The following RAPGEF5 variants were observed in gnomAD, a reference collection of about 807,000 sequenced individuals.
The protein encoded by RAPGEF5 is Rap guanine nucleotide exchange factor 5.
Under a neutral mutation model 125.2 loss-of-function variants are expected in RAPGEF5, and 65 were observed. The observed-to-expected ratio is 0.52, with a 90% CI of 0.43 to 0.64. RAPGEF5 has a LOEUF of 0.64. Among genes scored for constraint, RAPGEF5 ranks in the 30% least tolerant of loss-of-function variants. The probability of loss-of-function intolerance (pLI) is 0.00; values close to 1 mark genes in which losing one functional copy is unlikely to be tolerated. For synonymous variants in RAPGEF5, 391 were observed against 385.9 expected (o/e 1.01, Z -0.16); for missense variants, 958 against 1,048.1 (o/e 0.91, Z 1.19).
chr7:22,198,120 G>A (rs1785195655), intron 9 of RAPGEF5, among the ~76,000 whole-genome samples: 1 of 152,114 alleles, frequency 6.6e-6, no homozygotes, highest in Non-Finnish European at 1.5e-5. Flanking sequence ...TTGAACTTCT[G>A]AGCTCAAGCA....
At chr7:22,311,288 T>C (rs1472987009) in intron 3 of RAPGEF5, among the ~76,000 whole-genome samples, 2 of 152,188 alleles carry the variant, frequency 1.3e-5, no homozygotes, top group Non-Finnish European at 2.9e-5. Flanking sequence ...CTGCGGAGAT[T>C]ACAGGTATGA....
At chr7:22,183,268 C>CAAAAAAAAAAA (rs757079018) in intron 11 of RAPGEF5, among the ~76,000 whole-genome samples, 1 of 30,964 alleles carries the variant, frequency 3.2e-5, no homozygotes, top group African/African-American at 8.0e-5. Context: ...GACTCCATCA[C>CAAAAAAAAAAA]AAAAAAAAAA....
In RAPGEF5 at chr7:22,136,970, T is replaced by G; in HGVS notation, c.2291A>C (p.Lys764Thr). The change falls in exon 22 of 26, where the codon AAG becomes ACG. Residue 764 changes from lysine to threonine, a missense_variant. Coordinates refer to ENST00000665637, the MANE Select transcript of RAPGEF5 (RefSeq NM_012294.5). ...LSQTWEKIPGKFKKLFSELES... is the reference protein window; with the variant it reads ...LSQTWEKIPGTFKKLFSELES... ...AAGTTCAGAGAAAAGTTTCTTAAAC[T>G]TCCCAGGGATTTTCTAAAAAACAAA... 1 of 1,583,278 alleles carries G rather than the reference T, an allele frequency of 6.3e-7. No homozygotes were observed. The highest frequency in any genetic ancestry group is 1.7e-5 in the Admixed American group (1 of 57,410).
chr7:22,218,096 C>A (rs1421655275), intron 9 of RAPGEF5, among the ~76,000 whole-genome samples: 1 of 152,062 alleles, frequency 6.6e-6, no homozygotes, highest in African/African-American at 2.4e-5. Context: ...AGGTATATCT[C>A]CTAATGCTAT....
chr7:22,252,214 A>G (rs1003655745), intron 7 of RAPGEF5, among the ~76,000 whole-genome samples: 3 of 152,222 alleles, frequency 2.0e-5, no homozygotes, highest in Admixed American at 6.5e-5. Context: ...AGAGCTTAAA[A>G]TCATTGTCCT....
chr7:22,343,563 G>A (rs1197097457), intron 1 of RAPGEF5, among the ~76,000 whole-genome samples: 2 of 152,140 alleles, frequency 1.3e-5, no homozygotes, highest in African/African-American at 4.8e-5. Flanking sequence ...AACCTAGCAT[G>A]ACATTTCAAT....
chr7:22,267,983 T>C (rs1583533488), intron 6 of RAPGEF5, among the ~76,000 whole-genome samples: 1 of 152,092 alleles, frequency 6.6e-6, no homozygotes, highest in South Asian at 2.1e-4. Flanking sequence ...ATAATCTACA[T>C]TCATTTACTG....
Position 22,308,395 on chromosome 7 carries a change from G to A in RAPGEF5, c.624C>T (p.Val208=). The A allele has an allele frequency of 6.3e-7, 1 of 1,588,108 alleles. No individual in the cohort carries two copies. The highest frequency in any genetic ancestry group is 1.2e-5 in the South Asian group (1 of 86,780). The change falls in exon 5 of 26, where the codon GTC becomes GTT. Residue 208 remains valine, a synonymous_variant. Transcript: ENST00000665637. The stretch of plus-strand genomic sequence containing the variant: ...GAGGCACAAGTTGCAGTAAAAGCTT[G>A]ACACCATTTTGCCATTCTTCTTCTC... The part of the protein sequence containing the change: ...FEREEEWQNG[V]KLLLQLVPLI...
intron 7 of RAPGEF5, 99 bp downstream of exon 7, chr7:22,266,865 T>C (rs2128141784): frequency 3.2e-6 from 4 of 1,239,952 alleles, no homozygotes; most frequent in East Asian, 2.4e-5. Context: ...TTCTACACCA[T>C]AACTTCCTGA....
chr7:22,283,161 A>T (rs1433607316), intron 6 of RAPGEF5, among the ~76,000 whole-genome samples: 1 of 152,130 alleles, frequency 6.6e-6, no homozygotes, highest in East Asian at 1.9e-4. Flanking sequence ...AAAAATGATA[A>T]AGTCTTTATA....
chr7:22,206,679 A>C (rs1046767506), intron 9 of RAPGEF5, among the ~76,000 whole-genome samples: 3 of 148,996 alleles, frequency 2.0e-5, no homozygotes, highest in Non-Finnish European at 4.5e-5. Flanking sequence ...AGTGAGACCC[A>C]TGTCACAAGA....
chr7:22,183,950 C>A (rs1158436605), intron 11 of RAPGEF5, among the ~76,000 whole-genome samples: 2 of 152,180 alleles, frequency 1.3e-5, no homozygotes, highest in African/African-American at 4.8e-5. Flanking sequence ...CTCATGTACT[C>A]CTTTTTCCAT....
At chr7:22,272,887 G>T (rs917940897) in intron 6 of RAPGEF5, among the ~76,000 whole-genome samples, 6 of 152,118 alleles carry the variant, frequency 3.9e-5, no homozygotes, top group Non-Finnish European at 5.9e-5. Flanking sequence ...CTCCTGAGTA[G>T]CTGGGACTAC....
intron 9 of RAPGEF5, among the ~76,000 whole-genome samples, chr7:22,201,460 C>A (rs376773824): frequency 1.3e-5 from 2 of 152,204 alleles, no homozygotes; most frequent in Non-Finnish European, 2.9e-5. Context: ...TTTCCAGAGA[C>A]GCTTGTGTTA....
intron 1 of RAPGEF5, among the ~76,000 whole-genome samples, chr7:22,339,321 T>A (rs1477533154): frequency 1.3e-5 from 2 of 152,222 alleles, no homozygotes; most frequent in South Asian, 4.1e-4. Flanking sequence ...GAATTCTTTC[T>A]TCTGAGGAGG....
intron 1 of RAPGEF5, 62 bp downstream of exon 1, chr7:22,356,768 G>A (rs1438237563): frequency 2.6e-5 from 24 of 941,032 alleles, no homozygotes; most frequent in Non-Finnish European, 3.2e-5. Context: ...CGGCCCGGGG[G>A]GTGGGCGCGG....
intron 10 of RAPGEF5, 89 bp downstream of exon 10, chr7:22,193,826 G>A (rs769383354): frequency 2.5e-4 from 405 of 1,611,704 alleles, no homozygotes; most frequent in Non-Finnish European, 3.1e-4. Flanking sequence ...AGGAGGCAGA[G>A]AGCGAGTGAG....
chr7:22,222,073 C>T (rs1464069122), intron 8 of RAPGEF5, among the ~76,000 whole-genome samples: 2 of 151,978 alleles, frequency 1.3e-5, no homozygotes, highest in African/African-American at 4.8e-5. Context: ...ATGGTGAAAC[C>T]CCGTCTCTAC....
chr7:22,208,166 T>C (rs996134580), intron 9 of RAPGEF5, among the ~76,000 whole-genome samples: 1 of 152,206 alleles, frequency 6.6e-6, no homozygotes, highest in East Asian at 1.9e-4. Context: ...CTCTGTTCTA[T>C]TTCATGTGAT....
Sources: allele counts gnomAD v4.1 joint callset (sites outside exome capture counted in the v4.1 genomes callset), GRCh38; gene constraint gnomAD v4.1.1; transcripts MANE v1.5; gene names NCBI Gene and HGNC (gene_info 2026-07-23, HGNC 2026-07-21).